SRPK2: variants seen among roughly 807,000 people sequenced by gnomAD.
SRPK2 encodes SRSF protein kinase 2.
Under a neutral mutation model 90.8 loss-of-function variants are expected in SRPK2, and 21 were observed. That is an observed-to-expected ratio of 0.23 (90% CI 0.16 to 0.33). The LOEUF (loss-of-function observed/expected upper bound fraction) is 0.33. SRPK2 is among the 10% of genes least tolerant of loss of function. The pLI is 1.00. For synonymous variants in SRPK2, 288 were observed against 311.1 expected, an observed-to-expected ratio of 0.93 and a Z score of 0.78; for missense variants, 620 against 869.0, an observed-to-expected ratio of 0.71 and a Z score of 3.60.
intron 4 of SRPK2, 125 bp from the exon 5 acceptor site, chr7:105,168,220 T>C (rs1790335444): frequency 6.9e-6 from 5 of 719,846 alleles, no homozygotes; most frequent in South Asian, 5.7e-5. Flanking sequence ...ACCTAAAACA[T>C]TATGAGTGTG....
chr7:105,363,450 G>A, intron 2 of SRPK2, among the ~76,000 whole-genome samples: 1 of 152,158 alleles, frequency 6.6e-6, no homozygotes, highest in Non-Finnish European at 1.5e-5. Context: ...CTGGCCATCA[G>A]AGAAATGCAA....
intron 2 of SRPK2, among the ~76,000 whole-genome samples, chr7:105,226,089 A>G (rs1334882397): frequency 6.6e-6 from 1 of 152,230 alleles, no homozygotes; most frequent in Non-Finnish European, 1.5e-5. Flanking sequence ...AAGTTCTGTT[A>G]AGTCTAGGAA....
At chr7:105,169,030 A>G in intron 4 of SRPK2, 127 bp downstream of exon 4, 1 of 592,138 alleles carries the variant, frequency 1.7e-6, no homozygotes, top group East Asian at 3.1e-5. Context: ...TAGCCAGCTG[A>G]GGCAGGCCTG....
At chr7:105,298,654 C>T (rs1003413466) in intron 2 of SRPK2, 1 of 863,872 alleles carries the variant, frequency 1.2e-6, no homozygotes, top group Non-Finnish European at 1.4e-6. Context: ...ATAAAAAGGC[C>T]CCATAGGATA....
chr7:105,208,659 A>G (rs1796495325), intron 2 of SRPK2, among the ~76,000 whole-genome samples: 1 of 152,136 alleles, frequency 6.6e-6, no homozygotes, highest in Non-Finnish European at 1.5e-5. Context: ...AAAGGAGGAA[A>G]ATGGGGACTG....
At chr7:105,315,086 G>C (rs1437355266) in intron 2 of SRPK2, among the ~76,000 whole-genome samples, 1 of 152,140 alleles carries the variant, frequency 6.6e-6, no homozygotes, top group Non-Finnish European at 1.5e-5. Flanking sequence ...AGACCAGCCT[G>C]CACACCATAG....
chr7:105,133,806 C>T (rs753062417), intron 11 of SRPK2, among the ~76,000 whole-genome samples: 13 of 152,194 alleles, frequency 8.5e-5, no homozygotes, highest in Non-Finnish European at 1.8e-4. Context: ...ATGAACTTGT[C>T]ATGTACATGA....
chr7:105,209,549 A>C (rs1321835913), intron 2 of SRPK2, among the ~76,000 whole-genome samples: 1 of 151,964 alleles, frequency 6.6e-6, no homozygotes, highest in Non-Finnish European at 1.5e-5. Flanking sequence ...GGAAAAAAAG[A>C]AAGAAGAAAA....
chr7:105,241,184 C>A (rs73186026), intron 2 of SRPK2, among the ~76,000 whole-genome samples: 1 of 152,158 alleles, frequency 6.6e-6, no homozygotes, highest in East Asian at 1.9e-4. Flanking sequence ...AGGTATATAA[C>A]AGGACTGTAA....
chr7:105,301,893 G>A (rs770916013), intron 2 of SRPK2: 47 of 1,601,192 alleles, frequency 2.9e-5, no homozygotes, highest in Non-Finnish European at 3.7e-5. Context: ...ACATCGATAA[G>A]CAATATCATC....
At chr7:105,178,997 A>T (rs1792377509) in intron 3 of SRPK2, among the ~76,000 whole-genome samples, 1 of 152,212 alleles carries the variant, frequency 6.6e-6, no homozygotes, top group Admixed American at 6.5e-5. Flanking sequence ...GCTTTAAATT[A>T]CTAATAAGGA....
Position 105,365,487 on chromosome 7 carries a change from CAAAAAAAAAA to C in SRPK2, c.71+23151_71+23160del, listed in dbSNP as rs374198950. On this transcript the variant is annotated intron_variant, in intron 2 of 15. Transcript: ENST00000393651. Reference sequence around the variant, plus strand: ...GGGCAACAAGAGCGAAATTCTGTCTCAAAAAAAAAAAAAAAAAAAAAATTATATATATATA... The same window carrying C: ...GGGCAACAAGAGCGAAATTCTGTCTCAAAAAAAAAAAATTATATATATATA... 1.7e-4 allele frequency among the ~76,000 whole-genome samples: 12 copies of C among 69,672 alleles called. No homozygotes were observed. In the East Asian group the frequency reaches 4.2e-3, roughly 24 times the overall value. The allele number at this position is 69,672 out of a possible 152,430, so 45.7% of individuals were successfully genotyped here.
At chr7:105,344,163 G>A (rs1816168433) in intron 2 of SRPK2, among the ~76,000 whole-genome samples, 1 of 152,082 alleles carries the variant, frequency 6.6e-6, no homozygotes, top group African/African-American at 2.4e-5. Context: ...AAAACCATAA[G>A]GCTTTGTAAG....
intron 2 of SRPK2, among the ~76,000 whole-genome samples, chr7:105,313,679 A>G (rs1389659817): frequency 6.6e-6 from 1 of 152,054 alleles, no homozygotes; most frequent in East Asian, 1.9e-4. Flanking sequence ...TGAACCAGGG[A>G]GGCGGAGGTT....
intron 4 of SRPK2, among the ~76,000 whole-genome samples, chr7:105,168,369 T>C (rs1471563972): frequency 1.3e-5 from 2 of 152,186 alleles, no homozygotes; most frequent in African/African-American, 4.8e-5. Context: ...ATATGAAATA[T>C]AATGAATTTT....
intron 3 of SRPK2, among the ~76,000 whole-genome samples, chr7:105,188,308 A>C (rs534244412): frequency 6.6e-6 from 1 of 152,320 alleles, no homozygotes; most frequent in Admixed American, 6.5e-5. Flanking sequence ...AAAGTAGCTT[A>C]GTGATTGCTA....
At chr7:105,342,129 G>A (rs1815884468) in intron 2 of SRPK2, among the ~76,000 whole-genome samples, 1 of 150,840 alleles carries the variant, frequency 6.6e-6, no homozygotes, top group South Asian at 2.2e-4. Context: ...GCTGGGCATG[G>A]TGGCACATGC....
chr7:105,356,025 A>G (rs12668097), intron 2 of SRPK2, among the ~76,000 whole-genome samples: 94,636 of 152,012 alleles, frequency 0.62, 30,223 homozygotes, highest in South Asian at 0.76. Context: ...TCCAGCCTGG[A>G]TGACACAGTG....
At chr7:105,346,516 G>A (rs771955372) in intron 2 of SRPK2, among the ~76,000 whole-genome samples, 43 of 152,104 alleles carry the variant, frequency 2.8e-4, no homozygotes, top group Non-Finnish European at 5.4e-4. Context: ...AGCACTTTAG[G>A]AGGGCAAGGC....
Sources: allele counts gnomAD v4.1 joint callset (sites outside exome capture counted in the v4.1 genomes callset), GRCh38; gene constraint gnomAD v4.1.1; transcripts MANE v1.5; gene names NCBI Gene and HGNC (gene_info 2026-07-23, HGNC 2026-07-21).